The following SORBS2 variants were observed in gnomAD, a reference collection of about 807,000 sequenced individuals.
SORBS2 encodes sorbin and SH3 domain-containing protein 2.
Under a neutral mutation model 97.7 loss-of-function variants are expected in SORBS2, and 46 were observed. The ratio of observed to expected loss-of-function variants is 0.47; its 90% CI spans 0.37 to 0.60. The LOEUF (loss-of-function observed/expected upper bound fraction) is 0.60. Among genes scored for constraint, SORBS2 ranks in the 20% least tolerant of loss-of-function variants. The pLI, the probability that SORBS2 is intolerant of heterozygous loss-of-function variation, is 0.00. For missense variants in SORBS2, 1,316 were observed against 1,282.3 expected (o/e 1.03, Z -0.40); for synonymous variants, 476 against 473.4 (o/e 1.01, Z -0.07).
At chr4:185,610,977 T>A (rs544266128) in intron 12 of SORBS2, among the ~76,000 whole-genome samples, 17 of 152,122 alleles carry the variant, frequency 1.1e-4, no homozygotes, top group Admixed American at 1.0e-3. Context: ...TAAGAAAAAA[T>A]TTCACATTGT....
chr4:185,912,434 A>G (rs2149884046), intron 1 of SORBS2, among the ~76,000 whole-genome samples: 1 of 151,784 alleles, frequency 6.6e-6, no homozygotes, highest in African/African-American at 2.4e-5. Flanking sequence ...AAAATACAAA[A>G]ATTAGCTGGC....
intron 1 of SORBS2, among the ~76,000 whole-genome samples, chr4:185,928,736 C>A (rs371465167): frequency 1.1e-4 from 16 of 152,184 alleles, no homozygotes; most frequent in Admixed American, 2.6e-4. Flanking sequence ...TTAGTAGAGA[C>A]GGGGTTTCAC....
At chr4:185,697,322 T>A (rs958448497) in intron 2 of SORBS2, among the ~76,000 whole-genome samples, 2 of 152,178 alleles carry the variant, frequency 1.3e-5, no homozygotes, top group African/African-American at 2.4e-5. Flanking sequence ...GCAAGCCATA[T>A]GGTTTATTAG....
intron 1 of SORBS2, among the ~76,000 whole-genome samples, chr4:185,869,777 A>G (rs1473028435): frequency 6.6e-6 from 1 of 152,230 alleles, no homozygotes; most frequent in Non-Finnish European, 1.5e-5. Context: ...AATCCATGGA[A>G]TTGGGAATCA....
chr4:185,925,451 C>A (rs1337411957), intron 1 of SORBS2, among the ~76,000 whole-genome samples: 2 of 152,040 alleles, frequency 1.3e-5, no homozygotes, highest in Non-Finnish European at 2.9e-5. Context: ...CAATGGATAA[C>A]TGAAAAACAC....
In SORBS2 at chr4:185,606,508, T is replaced by C. The variant is rs368611249; in HGVS notation, c.2796+5272A>G. On this transcript the variant is annotated intron_variant, in intron 12 of 14. Coordinates refer to ENST00000418609, the Ensembl canonical transcript of SORBS2. This position sits in a 1 kb window ranked among gnomAD's most constrained non-coding sequence, Gnocchi z 4.3. Reference sequence around the variant, plus strand: ...AAATCTGTTAGTCAAAATAGGTATTTATTAATATGATTAACTCTAATAGCT... The same window carrying C: ...AAATCTGTTAGTCAAAATAGGTATTCATTAATATGATTAACTCTAATAGCT... 8.5e-5 allele frequency: 84 copies of C among 983,404 alleles called. 1 individual carries two copies. In the South Asian group the frequency reaches 3.4e-3, roughly 40 times the overall value. 60.9% of individuals were successfully genotyped at this position (983,404 alleles called of 1,614,324 possible). A position where few individuals can be genotyped will look rare whatever the true frequency, so the allele number is the denominator to read the frequency against.
chr4:185,639,990 C>T (rs2097099817), intron 4 of SORBS2, among the ~76,000 whole-genome samples: 2 of 152,124 alleles, frequency 1.3e-5, no homozygotes, highest in Non-Finnish European at 2.9e-5. Context: ...GTTTTATTGA[C>T]TCGTTGCATT....
chr4:185,825,884 C>A (rs986977609), intron 1 of SORBS2, among the ~76,000 whole-genome samples: 1 of 152,060 alleles, frequency 6.6e-6, no homozygotes, highest in African/African-American at 2.4e-5. Context: ...TTCTCGGTTG[C>A]GATGACCTAG....
At chr4:185,943,821 G>A (rs2099273245) in intron 1 of SORBS2, among the ~76,000 whole-genome samples, 1 of 151,996 alleles carries the variant, frequency 6.6e-6, no homozygotes, top group Non-Finnish European at 1.5e-5. Context: ...TTACTCTTGG[G>A]GTCTCCTGTT....
intron 2 of SORBS2, among the ~76,000 whole-genome samples, chr4:185,712,801 G>A (rs1007742546): frequency 6.6e-6 from 1 of 152,176 alleles, no homozygotes; most frequent in African/African-American, 2.4e-5. Flanking sequence ...AGAGGGGCAG[G>A]CTGAGTAAAT....
At chr4:185,762,610 C>A (rs536790771) in intron 2 of SORBS2, among the ~76,000 whole-genome samples, 1 of 152,062 alleles carries the variant, frequency 6.6e-6, no homozygotes, top group Admixed American at 6.5e-5. Flanking sequence ...CATGAAGATG[C>A]GAGAGTCAGC....
chr4:185,870,317 A>G (rs933519453), intron 1 of SORBS2, among the ~76,000 whole-genome samples: 1 of 152,206 alleles, frequency 6.6e-6, no homozygotes, highest in Non-Finnish European at 1.5e-5. Flanking sequence ...AGTCTGACAT[A>G]ACACAGCCTG....
chr4:185,736,329 G>A (rs1001618205), intron 2 of SORBS2, among the ~76,000 whole-genome samples: 1 of 152,218 alleles, frequency 6.6e-6, no homozygotes, highest in African/African-American at 2.4e-5. Context: ...GCAATGGTGG[G>A]ATTAAAGCAA....
chr4:185,840,929 G>A (rs2099211115), intron 1 of SORBS2, among the ~76,000 whole-genome samples: 1 of 152,106 alleles, frequency 6.6e-6, no homozygotes, highest in Non-Finnish European at 1.5e-5. Flanking sequence ...TTAGCAGAGG[G>A]GCAAGAGGGA....
At chr4:185,638,916 G>C in intron 4 of SORBS2, 2 of 1,501,936 alleles carry the variant, frequency 1.3e-6, no homozygotes, top group Non-Finnish European at 1.8e-6. Context: ...AGCTTGGTGT[G>C]GGGGCGCCAC....
At chr4:185,954,339 C>T (rs2099278610) in intron 1 of SORBS2, among the ~76,000 whole-genome samples, 1 of 152,148 alleles carries the variant, frequency 6.6e-6, no homozygotes, top group Non-Finnish European at 1.5e-5. Flanking sequence ...TTTTATCTTA[C>T]AGTTGATTTT....
At chr4:185,712,936 C>T (rs983198802) in intron 2 of SORBS2, among the ~76,000 whole-genome samples, 2 of 152,186 alleles carry the variant, frequency 1.3e-5, no homozygotes, top group Non-Finnish European at 2.9e-5. Flanking sequence ...CACCTAACAC[C>T]TTAGTCTAGC....
intron 1 of SORBS2, among the ~76,000 whole-genome samples, chr4:185,872,963 T>TG (rs1401663994): frequency 6.6e-6 from 1 of 152,096 alleles, no homozygotes; most frequent in Non-Finnish European, 1.5e-5. Flanking sequence ...GACACCTCCA[T>TG]GGCAGGTACG....
intron 1 of SORBS2, among the ~76,000 whole-genome samples, chr4:185,896,097 C>T (rs2099244890): frequency 6.6e-6 from 1 of 152,194 alleles, no homozygotes; most frequent in South Asian, 2.1e-4. Flanking sequence ...GCCAAAGAAT[C>T]TCACTTAACC....
Sources: gnomAD v4.1 joint callset for allele counts (sites outside exome capture counted in the v4.1 genomes callset) on GRCh38, gnomAD v4.1.1 for gene constraint, Gnocchi (gnomAD v3.1) non-coding constraint, MANE v1.5 for transcripts, NCBI Gene and HGNC (gene_info 2026-07-23, HGNC 2026-07-21) for gene names.